The following BRD10 variants were observed in gnomAD, a reference collection of about 807,000 sequenced individuals.
BRD10 encodes uncharacterized bromodomain-containing protein 10.
the BRD10 span, among the ~76,000 whole-genome samples, chr9:5,947,586 A>G: frequency 1.3e-5 from 2 of 152,062 alleles, no homozygotes; most frequent in African/African-American, 4.8e-5. Flanking sequence ...ACTAATATAT[A>G]TTCCCTCTAT....
chr9:5,921,167 CT>C, the BRD10 span: 1 of 1,613,874 alleles, frequency 6.2e-7, no homozygotes, highest in Non-Finnish European at 8.5e-7. Flanking sequence ...GCCCTTGCTA[CT>C]TTTGTCTTCT....
chr9:5,958,578 G>A, the BRD10 span, among the ~76,000 whole-genome samples: 11 of 152,152 alleles, frequency 7.2e-5, no homozygotes, highest in Non-Finnish European at 1.2e-4. Context: ...CTTGCGCCCC[G>A]GAGTTCGAGG....
the BRD10 span, among the ~76,000 whole-genome samples, chr9:5,901,027 A>C: frequency 3.3e-5 from 5 of 152,282 alleles, no homozygotes; most frequent in East Asian, 9.6e-4. Flanking sequence ...GGGATTCAGG[A>C]ATCTATATTT....
chr9:5,915,959 ACTT>A, the BRD10 span, among the ~76,000 whole-genome samples: 1 of 152,216 alleles, frequency 6.6e-6, no homozygotes, highest in Non-Finnish European at 1.5e-5. Context: ...ATTCTCTAAT[ACTT>A]CTTCATACAT....
At chr9:5,968,874 T>C in the BRD10 span, 3 of 1,613,256 alleles carry the variant, frequency 1.9e-6, no homozygotes, top group East Asian at 2.2e-5. Context: ...CATTCATGGA[T>C]AGGCTGTCCA....
At chr9:5,952,936 G>C in the BRD10 span, among the ~76,000 whole-genome samples, 1 of 152,152 alleles carries the variant, frequency 6.6e-6, no homozygotes, top group South Asian at 2.1e-4. Context: ...GGATTTTGTA[G>C]AAATGTTTGT....
the BRD10 span, among the ~76,000 whole-genome samples, chr9:5,901,743 A>C: frequency 6.6e-6 from 1 of 152,126 alleles, no homozygotes; most frequent in Non-Finnish European, 1.5e-5. Flanking sequence ...GCTGGTCTCA[A>C]ACTCCTGAGC....
chr9:5,920,687 C>A, the BRD10 span: 1 of 1,613,896 alleles, frequency 6.2e-7, no homozygotes. Context: ...ACGTGTGGCT[C>A]CTGGTACTGC....
chr9:5,968,338 T>G, the BRD10 span: 11 of 1,609,794 alleles, frequency 6.8e-6, no homozygotes, highest in Non-Finnish European at 9.3e-6. Flanking sequence ...TTTCTTTTAA[T>G]GGACTGGGTT....
At chr9:6,005,600 C>T in the BRD10 span, among the ~76,000 whole-genome samples, 1 of 152,190 alleles carries the variant, frequency 6.6e-6, no homozygotes, top group Non-Finnish European at 1.5e-5. Context: ...TTCATTCAGT[C>T]ATTCTCTTGC....
chr9:5,926,977 T>C, the BRD10 span, among the ~76,000 whole-genome samples: 1 of 152,184 alleles, frequency 6.6e-6, no homozygotes, highest in Non-Finnish European at 1.5e-5. Flanking sequence ...TATGTAGGTT[T>C]TCAATTATTG....
At chr9:5,913,981 C>T in the BRD10 span, 1 of 450,178 alleles carries the variant, frequency 2.2e-6, no homozygotes, top group Non-Finnish European at 4.4e-6. Flanking sequence ...GCACTTTCTG[C>T]TATCAAAACT....
At chr9:5,959,413 G>C in the BRD10 span, among the ~76,000 whole-genome samples, 47 of 152,176 alleles carry the variant, frequency 3.1e-4, no homozygotes, top group East Asian at 8.1e-3. Flanking sequence ...TAATAATGGG[G>C]AATAATAGTA....
chr9:5,989,779 T>A, the BRD10 span, among the ~76,000 whole-genome samples: 2 of 152,140 alleles, frequency 1.3e-5, no homozygotes, highest in Non-Finnish European at 2.9e-5. Context: ...TCAGCCCACC[T>A]TGGCCTCCCA....
At chr9:5,913,267 T>C in the BRD10 span, among the ~76,000 whole-genome samples, 42 of 152,282 alleles carry the variant, frequency 2.8e-4, no homozygotes, top group African/African-American at 1.0e-3. Flanking sequence ...TTAGTAAATA[T>C]CTGGACAGGT....
At chr9:5,921,370 A>G in the BRD10 span, 1 of 1,613,952 alleles carries the variant, frequency 6.2e-7, no homozygotes, top group Non-Finnish European at 8.5e-7. Context: ...GTTGCTCTGG[A>G]GTCTTAACAT....
the BRD10 span, among the ~76,000 whole-genome samples, chr9:5,957,157 A>G: frequency 5.5e-4 from 83 of 152,280 alleles, 1 homozygote; most frequent in African/African-American, 1.9e-3. Flanking sequence ...GATACTTAGT[A>G]AAGTGGTCTG....
At chr9:5,940,536 G>A in the BRD10 span, among the ~76,000 whole-genome samples, 7 of 152,094 alleles carry the variant, frequency 4.6e-5, no homozygotes, top group South Asian at 2.1e-4. Flanking sequence ...AAATATTTCC[G>A]TATTGTAAAA....
At chr9:5,908,529 A>G in the BRD10 span, 1 of 952,278 alleles carries the variant, frequency 1.1e-6, no homozygotes, top group East Asian at 2.4e-5. Context: ...AACACTTAGA[A>G]ATTTCAGTCC....
Sources: gnomAD v4.1 joint callset for allele counts (sites outside exome capture counted in the v4.1 genomes callset) on GRCh38, gnomAD v4.1.1 for gene constraint, MANE v1.5 for transcripts, NCBI Gene and HGNC (gene_info 2026-07-23, HGNC 2026-07-21) for gene names.